Variants in NEK6 observed in about 807,000 individuals in gnomAD.
The protein encoded by NEK6 is NIMA related kinase 6, also known as serine/threonine-protein kinase Nek6.
In NEK6, 27 loss-of-function variants were observed where a neutral mutation model predicts 43.5. The observed-to-expected ratio is 0.62, with a 90% CI of 0.46 to 0.86. The LOEUF (loss-of-function observed/expected upper bound fraction) is 0.86, where lower values mean the gene tolerates loss of function less well. Among genes scored for constraint, NEK6 ranks in the 40% least tolerant of loss-of-function variants. The probability of loss-of-function intolerance (pLI) is 0.00; values close to 1 mark genes in which losing one functional copy is unlikely to be tolerated. For synonymous variants in NEK6, 167 were observed against 164.1 expected, an observed-to-expected ratio of 1.02 and a Z score of -0.14; for missense variants, 318 against 414.4, an observed-to-expected ratio of 0.77 and a Z score of 2.02.
At chr9:124,319,300 T>C (rs1435632563) in intron 4 of NEK6, among the ~76,000 whole-genome samples, 1 of 150,566 alleles carries the variant, frequency 6.6e-6, no homozygotes, top group Admixed American at 6.6e-5. Flanking sequence ...GCTCACTTTT[T>C]AATGTTTTGT....
At chr9:124,292,026 G>C (rs1218790769) in intron 1 of NEK6, 13 of 992,916 alleles carry the variant, frequency 1.3e-5, no homozygotes, top group Non-Finnish European at 1.6e-5. Flanking sequence ...GGCACCTCAT[G>C]TCTGCCCTCA....
chr9:124,301,839 C>T, intron 1 of NEK6, 97 bp from the exon 2 acceptor site: 1 of 1,000,906 alleles, frequency 1.0e-6, no homozygotes, highest in Non-Finnish European at 1.5e-6. Flanking sequence ...GGCTTTGCAC[C>T]TCAGCTCACG....
In NEK6 at chr9:124,326,455, AGGAGCCG is replaced by A; in HGVS notation, c.514+18_514+24del. 21 of 1,313,770 alleles carry A rather than the reference AGGAGCCG, an allele frequency of 1.6e-5. No individual in the cohort carries two copies. The highest frequency in any genetic ancestry group is 2.1e-5 in the Non-Finnish European group (21 of 1,010,282). The allele number at this position is 1,313,770 out of a possible 1,614,324, so 81.4% of individuals were successfully genotyped here. On this transcript the variant is annotated intron_variant, in intron 6 of 9. Coordinates refer to ENST00000320246, the MANE Select transcript of NEK6 (RefSeq NM_014397.6). This position sits in a 1 kb window ranked among gnomAD's most constrained non-coding sequence, Gnocchi z 4.5. ...TGCACCGAGGTACGTGCCACCCGCC[AGGAGCCG>A]CCCGGAGCCACCTGGAGCCCAGGAA...
At chr9:124,292,981 G>A (rs763692003) in intron 1 of NEK6, 5 of 1,575,492 alleles carry the variant, frequency 3.2e-6, no homozygotes, top group Non-Finnish European at 4.3e-6. Flanking sequence ...GCTCATTTCC[G>A]GCAGGAGGAG....
At chr9:124,300,376 C>A (rs74764106) in intron 1 of NEK6, among the ~76,000 whole-genome samples, 21 of 152,200 alleles carry the variant, frequency 1.4e-4, no homozygotes, top group African/African-American at 5.1e-4. Context: ...TCCTGGAACA[C>A]CCCCGTGTTA....
chr9:124,262,544 A>C (rs1051266217), intron 1 of NEK6, among the ~76,000 whole-genome samples: 1 of 152,234 alleles, frequency 6.6e-6, no homozygotes, highest in African/African-American at 2.4e-5. Flanking sequence ...ATCTGGTGGT[A>C]AAGGCACAGG....
chr9:124,262,394 G>A (rs1409782596), intron 1 of NEK6, among the ~76,000 whole-genome samples: 1 of 151,538 alleles, frequency 6.6e-6, no homozygotes, highest in Admixed American at 6.5e-5. Context: ...TTAACTTTGG[G>A]AACTTGAACT....
At chr9:124,258,262 C>T (rs1830887675) in intron 1 of NEK6, 177 bp downstream of exon 1, 3 of 983,256 alleles carry the variant, frequency 3.1e-6, no homozygotes, top group East Asian at 1.1e-4. Context: ...AGCGTGTCGG[C>T]GGCCGGGCGG....
intron 4 of NEK6, among the ~76,000 whole-genome samples, chr9:124,319,766 T>C (rs1019780928): frequency 1.3e-5 from 2 of 152,208 alleles, no homozygotes; most frequent in Admixed American, 1.3e-4. Flanking sequence ...GCTGCTTTAT[T>C]TCTGAGTTCT....
At position 124,292,149 on chromosome 9, in the gene NEK6, C is replaced by G. The variant is rs775977457; in HGVS notation, c.-29-9787C>G. 4.1e-6 allele frequency: 5 copies of G among 1,219,698 alleles called. No homozygotes were observed. The African/African-American group carries it at 4.7e-5, about 11-fold the overall frequency. The allele number at this position is 1,219,698 out of a possible 1,614,324, so 75.6% of individuals were successfully genotyped here. A position where few individuals can be genotyped will look rare whatever the true frequency, so the allele number is the denominator to read the frequency against. ...CGCTTGCTCTTAGGGGTGTGTCCAG[C>G]GAGGGATGGGGAACCAGGCCCCAGG... On this transcript the variant is annotated intron_variant, in intron 1 of 9. Transcript: ENST00000320246.
At chr9:124,305,413 G>C (rs1428678271) in intron 2 of NEK6, among the ~76,000 whole-genome samples, 1 of 152,008 alleles carries the variant, frequency 6.6e-6, no homozygotes, top group East Asian at 1.9e-4. Context: ...AATTAGCTGG[G>C]CGTGGTGGTG....
intron 1 of NEK6, among the ~76,000 whole-genome samples, chr9:124,276,391 G>T (rs2118953451): frequency 6.6e-6 from 1 of 152,286 alleles, no homozygotes; most frequent in South Asian, 2.1e-4. Context: ...CTCTGACCCT[G>T]GCCCTTCATA....
At chr9:124,330,897 G>A (rs942350443) in intron 7 of NEK6, among the ~76,000 whole-genome samples, 1 of 152,152 alleles carries the variant, frequency 6.6e-6, no homozygotes, top group Non-Finnish European at 1.5e-5. Context: ...CCCTCACTTC[G>A]TTACTCTGTA....
chr9:124,333,924 C>T (rs143902359), intron 7 of NEK6, among the ~76,000 whole-genome samples: 2,860 of 152,084 alleles, frequency 0.019, 88 homozygotes, highest in African/African-American at 0.066. Flanking sequence ...AGTACAGGCG[C>T]GTGCCACCAC....
chr9:124,308,637 CAA>C lies in NEK6; in HGVS notation c.91-3871_91-3870del, dbSNP rs372251614. ...CGCCACAGCGCTCCAGCCTGGGTGACAAGAGCAAAACTCTATCTCAAAAAAAA... is the reference window on the plus strand; with the variant it reads ...CGCCACAGCGCTCCAGCCTGGGTGACGAGCAAAACTCTATCTCAAAAAAAA... On this transcript the variant is annotated intron_variant, in intron 2 of 9. Transcript: ENST00000320246. 6.8e-4 allele frequency among the ~76,000 whole-genome samples: 87 copies of C among 128,422 alleles called. 4 individuals are homozygous for C. The South Asian group carries it at 0.017, about 26-fold the overall frequency. The allele number at this position is 128,422 out of a possible 152,430, so 84.2% of individuals were successfully genotyped here.
At chr9:124,301,641 T>C (rs970245303) in intron 1 of NEK6, among the ~76,000 whole-genome samples, 2 of 152,122 alleles carry the variant, frequency 1.3e-5, no homozygotes, top group African/African-American at 4.8e-5. Context: ...AAATGTGGGG[T>C]TGAATCCGGT....
At chr9:124,269,123 T>C (rs1270258922) in intron 1 of NEK6, among the ~76,000 whole-genome samples, 3 of 152,148 alleles carry the variant, frequency 2.0e-5, no homozygotes, top group Non-Finnish European at 4.4e-5. Context: ...TACCATGTCA[T>C]TGAATCATCA....
At chr9:124,292,183 G>T (rs1832454890) in intron 1 of NEK6, 1 of 1,263,836 alleles carries the variant, frequency 7.9e-7, no homozygotes, top group Admixed American at 3.5e-5. Context: ...GGGACCTCCA[G>T]GGCTGGAGCT....
chr9:124,310,252 G>A (rs1037102789), intron 2 of NEK6, among the ~76,000 whole-genome samples: 2 of 152,272 alleles, frequency 1.3e-5, no homozygotes, highest in Admixed American at 6.5e-5. Context: ...CCCACTCACA[G>A]GGTTGTTCTG....
Sources: gnomAD v4.1 joint callset for allele counts (sites outside exome capture counted in the v4.1 genomes callset) on GRCh38, gnomAD v4.1.1 for gene constraint, Gnocchi (gnomAD v3.1) non-coding constraint, MANE v1.5 for transcripts, NCBI Gene and HGNC (gene_info 2026-07-23, HGNC 2026-07-21) for gene names.